The following EFCAB14 variants were observed in gnomAD, a reference collection of about 807,000 sequenced individuals.
EFCAB14 encodes the protein EF-hand calcium binding domain 14.
A neutral mutation model predicts 56.5 loss-of-function variants in EFCAB14; 43 were observed. That is an observed-to-expected ratio of 0.76 (90% confidence interval 0.60 to 0.98). The LOEUF is 0.98. Ranked by LOEUF, EFCAB14 falls within the 50% of genes least tolerant of loss-of-function variation. EFCAB14 has a pLI of 0.00. For missense variants in EFCAB14, 538 were observed against 580.3 expected, an observed-to-expected ratio of 0.93 and a Z score of 0.75; for synonymous variants, 235 against 212.9, an observed-to-expected ratio of 1.10 and a Z score of -0.90.
intron 3 of EFCAB14, among the ~76,000 whole-genome samples, chr1:46,701,312 T>C (rs1311299480): frequency 6.6e-6 from 1 of 152,168 alleles, no homozygotes; most frequent in South Asian, 2.1e-4. Context: ...AGGTATGTTT[T>C]CCTTAGTGCC....
chr1:46,677,623 G>T lies in EFCAB14; in HGVS notation c.*838C>A, dbSNP rs1192039353. On this transcript the variant is annotated 3_prime_UTR_variant, in exon 11 of 11. Coordinates refer to ENST00000371933, the MANE Select transcript of EFCAB14 (RefSeq NM_014774.3). Reference sequence around the variant, plus strand: ...GAAGGCAATCTAGCTCACTCAGCAGGGAAAATGGAGCTCCCCAATGGATAA... The same window carrying T: ...GAAGGCAATCTAGCTCACTCAGCAGTGAAAATGGAGCTCCCCAATGGATAA... 6.6e-6 allele frequency: 1 copy of T among 152,062 alleles called. No individual in the cohort carries two copies. The highest frequency in any genetic ancestry group is 1.5e-5 in the Non-Finnish European group (1 of 68,008). 9.4% of individuals were successfully genotyped at this position (152,062 alleles called of 1,614,324 possible). A position where few individuals can be genotyped will look rare whatever the true frequency, so the allele number is the denominator to read the frequency against.
intron 10 of EFCAB14, among the ~76,000 whole-genome samples, chr1:46,682,581 TCC>T (rs1198866728): frequency 5.9e-5 from 9 of 152,238 alleles, no homozygotes; most frequent in Non-Finnish European, 1.3e-4. Flanking sequence ...TTATGCCTTC[TCC>T]ATTAGACTGT....
chr1:46,717,650 G>C (rs1677418283), intron 1 of EFCAB14, among the ~76,000 whole-genome samples: 1 of 152,096 alleles, frequency 6.6e-6, no homozygotes, highest in African/African-American at 2.4e-5. Flanking sequence ...CTGGGCTCTT[G>C]GCACATTCTC....
chr1:46,696,459 A>C, intron 4 of EFCAB14, 92 bp downstream of exon 4: 1 of 1,230,518 alleles, frequency 8.1e-7, no homozygotes, highest in Non-Finnish European at 1.2e-6. Flanking sequence ...TAGGCTTTCA[A>C]TGAAAACTTA....
intron 10 of EFCAB14, among the ~76,000 whole-genome samples, chr1:46,679,081 C>T (rs1676744784): frequency 6.6e-6 from 1 of 152,098 alleles, no homozygotes; most frequent in Admixed American, 6.5e-5. Context: ...AATGCAGAGG[C>T]CTAATGAGTT....
chr1:46,713,253 G>A (rs1340909459), intron 2 of EFCAB14, among the ~76,000 whole-genome samples: 1 of 152,078 alleles, frequency 6.6e-6, no homozygotes. Context: ...GCAGGTGCTG[G>A]CATTTCTATT....
At chr1:46,678,820 TAAAAAAAAAA>T (rs10567663) in intron 10 of EFCAB14, among the ~76,000 whole-genome samples, 184 bp from the exon 11 acceptor site, 4 of 132,806 alleles carry the variant, frequency 3.0e-5, no homozygotes, top group Non-Finnish European at 4.9e-5. Context: ...AAAAATATAT[TAAAAAAAAAA>T]AAAAAAAAAA....
intron 3 of EFCAB14, among the ~76,000 whole-genome samples, chr1:46,702,673 T>C (rs144462553): frequency 2.4e-4 from 36 of 152,060 alleles, no homozygotes; most frequent in African/African-American, 8.5e-4. Flanking sequence ...TTATCGTCAA[T>C]ACCATCATCG....
At chr1:46,685,900 TTAATA>T (rs1676873437) in intron 8 of EFCAB14, among the ~76,000 whole-genome samples, 1 of 152,214 alleles carries the variant, frequency 6.6e-6, no homozygotes. Context: ...CATTAAAACC[TTAATA>T]TATTGTGACT....
intron 4 of EFCAB14, among the ~76,000 whole-genome samples, chr1:46,692,852 A>AT (rs1677020629): frequency 6.6e-6 from 1 of 152,310 alleles, no homozygotes; most frequent in East Asian, 1.9e-4. Flanking sequence ...AATTTAAATG[A>AT]TTTTTCCTAG....
intron 1 of EFCAB14, 70 bp from the exon 2 acceptor site, chr1:46,716,513 C>T: frequency 6.5e-7 from 1 of 1,538,798 alleles, no homozygotes; most frequent in Non-Finnish European, 8.9e-7. Flanking sequence ...AGCAATAGTA[C>T]ACGTTTTGCC....
At chr1:46,713,931 AAAAT>A (rs998813091) in intron 2 of EFCAB14, among the ~76,000 whole-genome samples, 5 of 152,214 alleles carry the variant, frequency 3.3e-5, no homozygotes, top group South Asian at 2.1e-4. Context: ...TAAAGGAGGA[AAAAT>A]AAATATGGGG....
chr1:46,683,460 T>C (rs772214430), intron 9 of EFCAB14, 35 bp from the exon 10 acceptor site: 43 of 1,598,454 alleles, frequency 2.7e-5, no homozygotes, highest in East Asian at 2.5e-4. Flanking sequence ...TTTAGTATTA[T>C]TGAATCTAAC....
chr1:46,712,666 T>C (rs1677327026), intron 2 of EFCAB14, among the ~76,000 whole-genome samples: 1 of 152,096 alleles, frequency 6.6e-6, no homozygotes, highest in Non-Finnish European at 1.5e-5. Flanking sequence ...TCCAAGTTCG[T>C]GAATCCCACT....
intron 2 of EFCAB14, 115 bp downstream of exon 2, chr1:46,716,180 C>T (rs547213711): frequency 1.4e-5 from 16 of 1,126,206 alleles, no homozygotes; most frequent in Admixed American, 6.5e-5. Context: ...ACCTGGGTGG[C>T]GGATGTTGCA....
chr1:46,717,317 T>A (rs1677411998), intron 1 of EFCAB14, among the ~76,000 whole-genome samples: 1 of 152,182 alleles, frequency 6.6e-6, no homozygotes, highest in Non-Finnish European at 1.5e-5. Flanking sequence ...TTTAGTCCTT[T>A]CCCATCCTGA....
intron 3 of EFCAB14, among the ~76,000 whole-genome samples, chr1:46,700,104 C>T (rs1677134051): frequency 6.6e-6 from 1 of 152,212 alleles, no homozygotes. Context: ...CAGAACCAGT[C>T]TGCTAAGCTG....
At chr1:46,689,209 C>A (rs979454158) in intron 6 of EFCAB14, among the ~76,000 whole-genome samples, 1 of 152,144 alleles carries the variant, frequency 6.6e-6, no homozygotes, top group African/African-American at 2.4e-5. Context: ...TGCTTTCTAA[C>A]ATTCTTAGAA....
At chr1:46,694,929 G>A (rs1677056528) in intron 4 of EFCAB14, among the ~76,000 whole-genome samples, 1 of 152,090 alleles carries the variant, frequency 6.6e-6, no homozygotes, top group African/African-American at 2.4e-5. Flanking sequence ...TTCTTTGTAG[G>A]GACATGGATG....
Sources: gnomAD v4.1 joint callset for allele counts (sites outside exome capture counted in the v4.1 genomes callset) on GRCh38, gnomAD v4.1.1 for gene constraint, MANE v1.5 for transcripts, NCBI Gene and HGNC (gene_info 2026-07-23, HGNC 2026-07-21) for gene names.